Variants in PTPRT observed in about 807,000 individuals in gnomAD.
PTPRT encodes the protein receptor-type tyrosine-protein phosphatase T.
PTPRT carries 56 observed loss-of-function variants against 176.8 expected under a neutral mutation model. That is an observed-to-expected ratio of 0.32 (90% CI 0.26 to 0.40). The LOEUF (loss-of-function observed/expected upper bound fraction) is 0.40. PTPRT is among the 10% of genes least tolerant of loss of function. The pLI is 1.00. For missense variants in PTPRT, 1,540 were observed against 1,908.2 expected, an observed-to-expected ratio of 0.81 and a Z score of 3.60; for synonymous variants, 783 against 739.0, an observed-to-expected ratio of 1.06 and a Z score of -0.96.
At chr20:42,326,933 G>T (rs112351987) in intron 11 of PTPRT, among the ~76,000 whole-genome samples, 1 of 150,842 alleles carries the variant, frequency 6.6e-6, no homozygotes, top group African/African-American at 2.4e-5. Flanking sequence ...TGTTCAAATG[G>T]GAAATATGGT....
intron 7 of PTPRT, among the ~76,000 whole-genome samples, chr20:42,488,641 A>C (rs1399545758): frequency 6.6e-6 from 1 of 152,078 alleles, no homozygotes; most frequent in Non-Finnish European, 1.5e-5. Context: ...AATCTCTAAT[A>C]AGTAAGAGTC....
rs183174548 is a variant in PTPRT, at chr20:42,076,325, C to T, written c.*4554G>A. 3.7e-4 allele frequency: 75 copies of T among 200,376 alleles called. 1 individual carries two copies. In the South Asian group the frequency reaches 5.0e-3, roughly 13 times the overall value. The allele number at this position is 200,376 out of a possible 1,614,324, so 12.4% of individuals were successfully genotyped here. A position where few individuals can be genotyped will look rare whatever the true frequency, so the allele number is the denominator to read the frequency against. The stretch of plus-strand genomic sequence containing the variant: ...CTTGCCCACATTAGCAACCATGTGA[C>T]TCCACTTGGACAACAGGCACCACTT... On this transcript the variant is annotated 3_prime_UTR_variant, in exon 31 of 31. Transcript: ENST00000373187.
chr20:42,886,663 C>A (rs2079108380), intron 1 of PTPRT, among the ~76,000 whole-genome samples: 1 of 152,144 alleles, frequency 6.6e-6, no homozygotes, highest in African/African-American at 2.4e-5. Flanking sequence ...TCAAGCCATC[C>A]ACCATTTGAC....
chr20:42,399,946 T>C (rs1439859762), intron 9 of PTPRT, among the ~76,000 whole-genome samples: 3 of 152,182 alleles, frequency 2.0e-5, no homozygotes, highest in Non-Finnish European at 2.9e-5. Context: ...TGTAACTTGG[T>C]TGCCTTAGCA....
chr20:42,662,325 T>C (rs982242604), intron 7 of PTPRT, among the ~76,000 whole-genome samples: 1 of 152,092 alleles, frequency 6.6e-6, no homozygotes, highest in African/African-American at 2.4e-5. Context: ...CCTACTAAGT[T>C]CTAAGCATTG....
At chr20:42,414,382 T>C (rs1248820437) in intron 9 of PTPRT, among the ~76,000 whole-genome samples, 1 of 152,220 alleles carries the variant, frequency 6.6e-6, no homozygotes, top group Non-Finnish European at 1.5e-5. Flanking sequence ...AAAACAAGGA[T>C]GTCCTCTATT....
chr20:42,689,655 C>T (rs1241459041), intron 6 of PTPRT, among the ~76,000 whole-genome samples: 1 of 152,132 alleles, frequency 6.6e-6, no homozygotes, highest in Non-Finnish European at 1.5e-5. Flanking sequence ...GACTCTGAAG[C>T]TGTGATTAAG....
chr20:42,141,881 C>T lies in PTPRT; in HGVS notation c.2770+34G>A, dbSNP rs373272440. ...CCTCTTTTCCCCTGCATCCTCAACA[C>T]CTGAAGCTTAGGAGCTCCCAGAAGG... On this transcript the variant is annotated intron_variant, in intron 18 of 30. Transcript: ENST00000373187. 1.7e-5 allele frequency: 27 copies of T among 1,570,844 alleles called. No homozygotes were observed. In the African/African-American group the frequency reaches 3.2e-4, roughly 19 times the overall value.
intron 11 of PTPRT, among the ~76,000 whole-genome samples, chr20:42,348,601 A>T (rs2058231210): frequency 6.6e-6 from 1 of 152,198 alleles, no homozygotes; most frequent in African/African-American, 2.4e-5. Context: ...AAATGAGGAG[A>T]CTATTATACA....
intron 1 of PTPRT, among the ~76,000 whole-genome samples, chr20:43,128,648 C>T (rs960933936): frequency 2.0e-5 from 3 of 152,216 alleles, no homozygotes; most frequent in African/African-American, 7.2e-5. Context: ...GCACCAGTCT[C>T]CCCATTATTA....
At chr20:42,889,026 C>G (rs1342816991) in intron 1 of PTPRT, among the ~76,000 whole-genome samples, 1 of 152,158 alleles carries the variant, frequency 6.6e-6, no homozygotes. Context: ...GGTTACAGAT[C>G]CCAGGCAAGG....
At chr20:42,431,546 G>A (rs1235407387) in intron 9 of PTPRT, among the ~76,000 whole-genome samples, 3 of 152,190 alleles carry the variant, frequency 2.0e-5, no homozygotes, top group African/African-American at 7.2e-5. Context: ...AAAGATGTGT[G>A]CATATTAACA....
intron 7 of PTPRT, among the ~76,000 whole-genome samples, chr20:42,655,725 G>A (rs2075113763): frequency 8.9e-6 from 1 of 112,628 alleles, no homozygotes; most frequent in Non-Finnish European, 2.2e-5. Context: ...GATTCCAAAT[G>A]ACTCTCAGGT....
At chr20:42,755,502 A>G (rs2076818152) in intron 6 of PTPRT, among the ~76,000 whole-genome samples, 1 of 152,202 alleles carries the variant, frequency 6.6e-6, no homozygotes, top group Non-Finnish European at 1.5e-5. Context: ...TAAAATTTTA[A>G]TCGGCAAACA....
intron 1 of PTPRT, among the ~76,000 whole-genome samples, chr20:42,958,011 GCAGT>G (rs1198845449): frequency 6.6e-6 from 1 of 151,286 alleles, no homozygotes; most frequent in African/African-American, 2.4e-5. Flanking sequence ...CTCATTTATT[GCAGT>G]CAGTCAAGCA....
intron 15 of PTPRT, among the ~76,000 whole-genome samples, chr20:42,200,723 T>C (rs561539804): frequency 3.3e-5 from 5 of 152,188 alleles, no homozygotes; most frequent in African/African-American, 9.6e-5. Flanking sequence ...TTCCAACATA[T>C]ATGCATCGAA....
At chr20:42,365,843 T>G (rs2058506738) in intron 9 of PTPRT, among the ~76,000 whole-genome samples, 1 of 152,182 alleles carries the variant, frequency 6.6e-6, no homozygotes, top group African/African-American at 2.4e-5. Context: ...AAAATAAGGA[T>G]GAGTGTGTGG....
chr20:42,394,434 G>A (rs959619659), intron 9 of PTPRT, among the ~76,000 whole-genome samples: 1 of 152,160 alleles, frequency 6.6e-6, no homozygotes, highest in African/African-American at 2.4e-5. Context: ...CTTAGGAAGG[G>A]ATGTCCCCAG....
intron 5 of PTPRT, among the ~76,000 whole-genome samples, chr20:42,761,643 G>C (rs371955762): frequency 5.3e-5 from 8 of 152,240 alleles, no homozygotes; most frequent in African/African-American, 1.9e-4. Flanking sequence ...GGCAGAGAGC[G>C]GTCAAGCAAT....
Sources: gnomAD v4.1 joint callset for allele counts (sites outside exome capture counted in the v4.1 genomes callset) on GRCh38, gnomAD v4.1.1 for gene constraint, MANE v1.5 for transcripts, NCBI Gene and HGNC (gene_info 2026-07-23, HGNC 2026-07-21) for gene names.